ILDR2: variants seen among roughly 807,000 people sequenced by gnomAD.
ILDR2 encodes the protein immunoglobulin like domain containing receptor 2.
In ILDR2, 25 loss-of-function variants were observed where a neutral mutation model predicts 66.8. That is an observed-to-expected ratio of 0.37 (90% CI 0.27 to 0.52). The LOEUF is 0.52. Ranked by LOEUF, ILDR2 falls within the 20% of genes least tolerant of loss-of-function variation. The pLI is 0.88. For synonymous variants in ILDR2, 367 were observed against 357.2 expected (o/e 1.03, Z -0.31); for missense variants, 827 against 876.8 (o/e 0.94, Z 0.72).
chr1:166,926,986 C>G, intron 7 of ILDR2, 81 bp downstream of exon 7: 2 of 949,614 alleles, frequency 2.1e-6, no homozygotes, highest in Non-Finnish European at 3.2e-6. Flanking sequence ...CAGGGCTGCC[C>G]AAGTTTGGTG....
rs988010089 is a variant in ILDR2, at chr1:166,912,076, A to G, written c.*7279T>C. On this transcript the variant is annotated 3_prime_UTR_variant, in exon 10 of 10. Coordinates refer to ENST00000271417, the MANE Select transcript of ILDR2 (RefSeq NM_199351.3). ...TAAAAAGAAATCCACACCTGGTCAC[A>G]TGTTAATTAAACCAAAGAACACTAG... 1.3e-5 allele frequency: 2 copies of G among 152,186 alleles called. No individual in the cohort carries two copies. Among genetic ancestry groups the G allele is most frequent in the Non-Finnish European group, 2.9e-5 (2 of 68,006 alleles). The allele number at this position is 152,186 out of a possible 1,614,324, so 9.4% of individuals were successfully genotyped here. A position where few individuals can be genotyped will look rare whatever the true frequency, so the allele number is the denominator to read the frequency against.
At chr1:166,919,448 G>A in intron 9 of ILDR2, 58 bp from the exon 10 acceptor site, 2 of 1,514,410 alleles carry the variant, frequency 1.3e-6, no homozygotes, top group Non-Finnish European at 9.1e-7. Flanking sequence ...AGAAAACAAC[G>A]AATAACAGAT....
chr1:166,957,905 G>T lies in ILDR2; in HGVS notation c.243C>A (p.Ser81Arg). Residue 81 changes from serine to arginine, a missense_variant, in exon 2 of 10, where the codon AGC (serine) becomes AGA (arginine). By Grantham distance (110) the Ser-to-Arg change is moderately radical. Around this residue, in one of 2 missense-constraint regions of ILDR2, gnomAD observed 437 missense variants for 523.2 expected, o/e 0.84. Transcript: ENST00000271417. Reference protein sequence around the residue: ...GMSSTRAQSLSKRNLEWDPYL... With the variant: ...GMSSTRAQSLRKRNLEWDPYL... Reference sequence around the variant, plus strand: ...AGGGGTCCCATTCCAGGTTTCTCTTGCTGAGAGATTGGGCCCGGGTAGAGG... The same window carrying T: ...AGGGGTCCCATTCCAGGTTTCTCTTTCTGAGAGATTGGGCCCGGGTAGAGG... 1 of 1,614,152 alleles carries T rather than the reference G, an allele frequency of 6.2e-7. No individual in the cohort carries two copies. Among genetic ancestry groups the T allele is most frequent in the African/African-American group, 1.3e-5 (1 of 75,038 alleles).
intron 1 of ILDR2, among the ~76,000 whole-genome samples, chr1:166,958,998 C>G (rs572013229): frequency 2.0e-5 from 3 of 152,322 alleles, no homozygotes; most frequent in Admixed American, 6.5e-5. Context: ...TCACCTCTCA[C>G]CTCTTGAAAC....
chr1:166,899,392 C>CA lies in ILDR2; in HGVS notation n.172-3292dup, dbSNP rs1256137812. ...TGGGTGACAGAATGAGACTCCATCTCAAAAAAAAAAAAAAGAAAAGAAAAG... is the reference window on the plus strand; with the variant it reads ...TGGGTGACAGAATGAGACTCCATCTCAAAAAAAAAAAAAAAGAAAAGAAAAG... On this transcript the variant is annotated intron_variant and non_coding_transcript_variant, in intron 2 of 2. Coordinates refer to the ILDR2 transcript ENST00000414590. 5.8e-3 allele frequency among the ~76,000 whole-genome samples: 504 copies of CA among 87,454 alleles called. 3 individuals carry two copies. The highest frequency in any genetic ancestry group is 0.015 in the East Asian group (46 of 3,096). The allele number at this position is 87,454 out of a possible 152,430, so 57.4% of individuals were successfully genotyped here.
intron 2 of ILDR2, among the ~76,000 whole-genome samples, chr1:166,901,679 G>T (rs1659267809): frequency 6.6e-6 from 1 of 152,196 alleles, no homozygotes; most frequent in African/African-American, 2.4e-5. Context: ...CAGGCCAAAA[G>T]ACTGGATTTC....
chr1:166,924,757 A>G (rs764002318), intron 7 of ILDR2, among the ~76,000 whole-genome samples: 16 of 152,216 alleles, frequency 1.1e-4, no homozygotes, highest in Non-Finnish European at 2.1e-4. Context: ...GCTCATGCCC[A>G]TAATCCCAGC....
chr1:166,957,246 C>A (rs112934130), intron 2 of ILDR2, among the ~76,000 whole-genome samples: 1 of 152,212 alleles, frequency 6.6e-6, no homozygotes, highest in African/African-American at 2.4e-5. Context: ...TAGATCATAT[C>A]GGACTCTTGG....
In ILDR2 at chr1:166,958,052, G is replaced by A. The variant is rs1473408168; in HGVS notation, c.96C>T (p.Ala32=). 1.2e-6 allele frequency: 2 copies of A among 1,613,396 alleles called. No individual in the cohort carries two copies. Among genetic ancestry groups the A allele is most frequent in the Non-Finnish European group, 1.7e-6 (2 of 1,179,362 alleles). ...GAAGCACAGTGGGCTGGAAGAGCAT[G>A]GCCACCTTCTTCTTGTCGGGCACTG... The part of the protein sequence containing the change: ...QVTVPDKKKV[A]MLFQPTVLRC... Residue 32 remains alanine, a synonymous_variant, in exon 2 of 10, where the codon GCC becomes GCT. Transcript: ENST00000271417.
intron 2 of ILDR2, among the ~76,000 whole-genome samples, chr1:166,902,394 G>A (rs935318627): frequency 2.0e-5 from 3 of 152,252 alleles, no homozygotes; most frequent in African/African-American, 7.2e-5. Flanking sequence ...CTATGACTCA[G>A]AGAGCAGTAA....
At position 166,975,316 on chromosome 1, in the gene ILDR2, G is replaced by A. The variant is rs1434868183; in HGVS notation, c.-48C>T. The A allele has an allele frequency of 1.9e-6, 3 of 1,575,256 alleles. No individual in the cohort carries two copies. In the South Asian group the frequency reaches 3.3e-5, roughly 17 times the overall value. The stretch of plus-strand genomic sequence containing the variant: ...TTACGGAGTGAGGAAAGTGGGAAAT[G>A]GCTGGAACAGAAGGATCGCTGTCAC... On this transcript the variant is annotated 5_prime_UTR_variant, in exon 1 of 10. Coordinates refer to ENST00000271417, the MANE Select transcript of ILDR2 (RefSeq NM_199351.3).
chr1:166,920,879 G>C lies in ILDR2; in HGVS notation c.1712C>G (p.Pro571Arg). ...RSASYYAWSP[P>R]GTYKAGSSQD... Reference sequence around the variant, plus strand: ...CGACGAGCCGGCCTTGTAGGTGCCGGGCGGCGACCAAGCGTAGTAGGAGGC... The same window carrying C: ...CGACGAGCCGGCCTTGTAGGTGCCGCGCGGCGACCAAGCGTAGTAGGAGGC... Residue 571 changes from proline (P) to arginine (R), a missense_variant, in exon 9 of 10, where the codon CCC (proline) becomes CGC (arginine). Physicochemically the swap from Pro to Arg is moderately radical, Grantham distance 103 (BLOSUM62 -2). Coordinates refer to ENST00000271417, the MANE Select transcript of ILDR2 (RefSeq NM_199351.3). The C allele has an allele frequency of 6.7e-7, 1 of 1,494,706 alleles. No individual in the cohort carries two copies. The highest frequency in any genetic ancestry group is 8.9e-7 in the Non-Finnish European group (1 of 1,126,828). 92.6% of individuals were successfully genotyped at this position (1,494,706 alleles called of 1,614,324 possible). A position where few individuals can be genotyped will look rare whatever the true frequency, so the allele number is the denominator to read the frequency against.
intron 3 of ILDR2, among the ~76,000 whole-genome samples, chr1:166,953,975 A>T (rs987477516): frequency 3.2e-4 from 48 of 152,068 alleles, no homozygotes; most frequent in Non-Finnish European, 1.5e-4. Flanking sequence ...TCCCTTTGTT[A>T]CTTCCACTCC....
intron 4 of ILDR2, among the ~76,000 whole-genome samples, chr1:166,939,132 C>A (rs1312409483): frequency 6.6e-6 from 1 of 152,038 alleles, no homozygotes; most frequent in Non-Finnish European, 1.5e-5. Flanking sequence ...CATGGTTGTA[C>A]AATAATGAAT....
chr1:166,972,622 G>A (rs1278205849), intron 1 of ILDR2, among the ~76,000 whole-genome samples: 1 of 152,136 alleles, frequency 6.6e-6, no homozygotes, highest in East Asian at 1.9e-4. Flanking sequence ...TGAAAGACAA[G>A]GAAGAAGCTG....
chr1:166,921,298 C>T lies in ILDR2; in HGVS notation c.1293G>A (p.Ala431=), dbSNP rs985116988. 8 of 1,595,926 alleles carry T rather than the reference C, an allele frequency of 5.0e-6. No individual in the cohort carries two copies. The African/African-American group carries it at 8.0e-5, about 16-fold the overall frequency. ...GVPAVSMDEL[A]AFADSYGQRP... ...GCTGGCCGTAGGAGTCAGCGAAGGC[C>T]GCCAGCTCGTCCATGGAAACGGCCG... The change falls in exon 9 of 10, where the codon GCG becomes GCA. Residue 431 remains alanine (A), a synonymous_variant. Transcript: ENST00000271417. This position sits in a 1 kb window ranked among gnomAD's most constrained non-coding sequence, Gnocchi z 5.3.
Position 166,913,092 on chromosome 1 carries a change from T to C in ILDR2, c.*6263A>G, listed in dbSNP as rs1659505716. 1 of 152,202 alleles carries C rather than the reference T, an allele frequency of 6.6e-6. No homozygotes were observed. Among genetic ancestry groups the C allele is most frequent in the South Asian group, 2.1e-4 (1 of 4,826 alleles). The allele number at this position is 152,202 out of a possible 1,614,324, so 9.4% of individuals were successfully genotyped here. A position where few individuals can be genotyped will look rare whatever the true frequency, so the allele number is the denominator to read the frequency against. ...ATATGTATTCCTCTATTACTGTACT[T>C]ACAACAATCAGAGAAGGACATGTAT... On this transcript the variant is annotated 3_prime_UTR_variant, in exon 10 of 10. Coordinates refer to ENST00000271417, the MANE Select transcript of ILDR2 (RefSeq NM_199351.3).
intron 3 of ILDR2, among the ~76,000 whole-genome samples, chr1:166,950,513 A>T (rs1661910293): frequency 6.6e-6 from 1 of 152,162 alleles, no homozygotes; most frequent in Non-Finnish European, 1.5e-5. Flanking sequence ...GGCAGCAGTA[A>T]CACAGGGGTA....
At position 166,899,347 on chromosome 1, in the gene ILDR2, C is replaced by T. The variant is rs144820644; in HGVS notation, n.172-3246G>A. 7.0e-3 allele frequency among the ~76,000 whole-genome samples: 1,044 copies of T among 149,400 alleles called. 9 individuals are homozygous for T. Among genetic ancestry groups the T allele is most frequent in the African/African-American group, 0.025 (1,000 of 40,508 alleles). ...GGCAGAGGTTGCAATGAGCCGAGATCGTGCCACTGCACTCCAGCCTGGGTG... is the reference window on the plus strand; with the variant it reads ...GGCAGAGGTTGCAATGAGCCGAGATTGTGCCACTGCACTCCAGCCTGGGTG... On this transcript the variant is annotated intron_variant and non_coding_transcript_variant, in intron 2 of 2. Coordinates refer to the ILDR2 transcript ENST00000414590.
Sources: gnomAD v4.1 joint callset for allele counts (sites outside exome capture counted in the v4.1 genomes callset) on GRCh38, gnomAD v4.1.1 for gene constraint, gnomAD v4.1.1 regional missense constraint, Gnocchi (gnomAD v3.1) non-coding constraint, MANE v1.5 for transcripts, NCBI Gene and HGNC (gene_info 2026-07-23, HGNC 2026-07-21) for gene names.